HDAC9: variants seen among roughly 807,000 people sequenced by gnomAD.
The protein encoded by HDAC9 is histone deacetylase 9.
In HDAC9, 41 loss-of-function variants were observed where a neutral mutation model predicts 139.4. That is an observed-to-expected ratio of 0.29 (90% CI 0.23 to 0.38). The LOEUF is 0.38. HDAC9 is among the 10% of genes least tolerant of loss of function. HDAC9 has a pLI of 1.00. For synonymous variants in HDAC9, 517 were observed against 476.2 expected (o/e 1.09, Z -1.12); for missense variants, 1,147 against 1,297.0 (o/e 0.88, Z 1.78).
intron 16 of HDAC9, among the ~76,000 whole-genome samples, chr7:18,785,349 G>T (rs1056880428): frequency 1.3e-5 from 2 of 151,618 alleles, no homozygotes; most frequent in Admixed American, 6.6e-5. Context: ...ACCATGCATC[G>T]TAGGATGCGT....
chr7:18,787,586 G>T (rs1190115682), intron 16 of HDAC9, among the ~76,000 whole-genome samples: 3 of 152,144 alleles, frequency 2.0e-5, no homozygotes, highest in South Asian at 4.1e-4. Context: ...ATAAAGCAAG[G>T]CTTGGTAAAG....
At chr7:18,518,447 A>G (rs1803926265) in intron 2 of HDAC9, among the ~76,000 whole-genome samples, 1 of 152,174 alleles carries the variant, frequency 6.6e-6, no homozygotes, top group Admixed American at 6.5e-5. Context: ...TCCCTAGCAA[A>G]CGTAAGTGAT....
chr7:18,660,055 C>CA (rs1269542320), intron 11 of HDAC9, among the ~76,000 whole-genome samples: 5 of 152,094 alleles, frequency 3.3e-5, no homozygotes, highest in African/African-American at 1.2e-4. Flanking sequence ...AAACAAATTC[C>CA]AAATACTCAT....
chr7:18,465,691 TA>T (rs1396768383), intron 1 of HDAC9, among the ~76,000 whole-genome samples: 1 of 152,168 alleles, frequency 6.6e-6, no homozygotes, highest in South Asian at 2.1e-4. Flanking sequence ...TTTTTGAGAC[TA>T]AAGTCTGTAT....
At chr7:18,420,651 A>G (rs1789534531) in intron 1 of HDAC9, among the ~76,000 whole-genome samples, 1 of 152,208 alleles carries the variant, frequency 6.6e-6, no homozygotes, top group African/African-American at 2.4e-5. Flanking sequence ...TTTCTGGCAG[A>G]CATTCTTGTG....
chr7:18,591,475 ATGTG>A (rs36100341), intron 4 of HDAC9, 37 bp from the exon 5 acceptor site: 142,465 of 1,392,962 alleles, frequency 0.1, 97 homozygotes, highest in East Asian at 0.21. Context: ...CTGTGTGTGT[ATGTG>A]TGTGTGTGTG....
At position 18,994,128 on chromosome 7, in the gene HDAC9, C is replaced by T. The variant is rs151191468; in HGVS notation, c.3171-1895C>T. Among the ~76,000 whole-genome samples the T allele has an allele frequency of 4.8e-3, 734 of 152,242 alleles. 8 individuals carry two copies. Among genetic ancestry groups the T allele is most frequent in the African/African-American group, 0.017 (705 of 41,552 alleles). On this transcript the variant is annotated intron_variant, in intron 25 of 25. Transcript: ENST00000686413. Reference sequence around the variant, plus strand: ...CCTCCACCACAGAGACATGTGGATTCCTTACATCTGTGACCTCTGAGACAT... The same window carrying T: ...CCTCCACCACAGAGACATGTGGATTTCTTACATCTGTGACCTCTGAGACAT...
At chr7:18,514,177 G>A (rs536476378) in intron 2 of HDAC9, among the ~76,000 whole-genome samples, 40 of 152,244 alleles carry the variant, frequency 2.6e-4, no homozygotes, top group African/African-American at 9.1e-4. Context: ...CATATACAAT[G>A]TATGTATTAC....
At chr7:18,591,995 T>G (rs919375639) in intron 5 of HDAC9, among the ~76,000 whole-genome samples, 28 of 152,128 alleles carry the variant, frequency 1.8e-4, no homozygotes, top group Non-Finnish European at 3.7e-4. Flanking sequence ...TATTTTGCAT[T>G]TTTCCATTCT....
chr7:18,845,910 G>A (rs1021756394), intron 21 of HDAC9, among the ~76,000 whole-genome samples: 6 of 152,134 alleles, frequency 3.9e-5, no homozygotes, highest in Non-Finnish European at 7.3e-5. Context: ...TTTGCTTGGA[G>A]TCACGTGCAC....
intron 1 of HDAC9, among the ~76,000 whole-genome samples, chr7:18,103,704 G>A (rs1584057558): frequency 3.3e-5 from 5 of 152,252 alleles, no homozygotes; most frequent in Admixed American, 3.3e-4. Context: ...GACGTACAAG[G>A]AAACCACTGT....
At chr7:18,533,297 C>A (rs1809677883) in intron 2 of HDAC9, among the ~76,000 whole-genome samples, 1 of 152,128 alleles carries the variant, frequency 6.6e-6, no homozygotes, top group Admixed American at 6.5e-5. Context: ...TTGCTTTAGG[C>A]TCCCCACTCA....
At chr7:18,283,788 G>A (rs535302815) in intron 2 of HDAC9, among the ~76,000 whole-genome samples, 3 of 152,224 alleles carry the variant, frequency 2.0e-5, no homozygotes, top group East Asian at 3.9e-4. Flanking sequence ...GAAACATTCA[G>A]CTGCAGAATT....
intron 2 of HDAC9, among the ~76,000 whole-genome samples, chr7:18,552,501 A>C (rs2128668216): frequency 6.6e-6 from 1 of 152,274 alleles, no homozygotes; most frequent in African/African-American, 2.4e-5. Flanking sequence ...GAATAAACAC[A>C]AGCTTCCCTT....
In HDAC9 at chr7:18,960,396, A is replaced by T. The variant is rs148575696; in HGVS notation, c.3022+6166A>T. On this transcript the variant is annotated intron_variant, in intron 24 of 25. Coordinates refer to ENST00000686413, the MANE Select transcript of HDAC9 (RefSeq NM_178425.4). ...CCTCCTCTTCCTCTATGTTATTGTTATTCTTTACTCTTATTCGTCCTCCTC... is the reference window on the plus strand; with the variant it reads ...CCTCCTCTTCCTCTATGTTATTGTTTTTCTTTACTCTTATTCGTCCTCCTC... Among the ~76,000 whole-genome samples, 870 of 152,124 alleles carry T rather than the reference A, an allele frequency of 5.7e-3. 10 individuals carry two copies. The highest frequency in any genetic ancestry group is 0.02 in the African/African-American group (838 of 41,524).
At chr7:18,656,964 T>C (rs1584679109) in intron 11 of HDAC9, among the ~76,000 whole-genome samples, 2 of 152,264 alleles carry the variant, frequency 1.3e-5, no homozygotes, top group South Asian at 4.1e-4. Context: ...GGTCCATCTT[T>C]TGGATAAAAG....
intron 16 of HDAC9, among the ~76,000 whole-genome samples, chr7:18,787,660 C>G (rs1274092314): frequency 6.6e-6 from 1 of 152,146 alleles, no homozygotes; most frequent in Admixed American, 6.5e-5. Context: ...ACAGTTAAAC[C>G]TCACTAGCCT....
At chr7:18,496,168 C>A in intron 1 of HDAC9, 94 bp from the exon 2 acceptor site, 1 of 1,452,786 alleles carries the variant, frequency 6.9e-7, no homozygotes, top group Non-Finnish European at 9.5e-7. Context: ...GGGGCCGGTG[C>A]ACTGAGCAGT....
chr7:18,680,029 A>G (rs955203872), intron 12 of HDAC9, among the ~76,000 whole-genome samples: 1 of 152,006 alleles, frequency 6.6e-6, no homozygotes, highest in African/African-American at 2.4e-5. Context: ...ACTATGGCAT[A>G]GTTCATGTTC....
Sources: allele counts gnomAD v4.1 joint callset (sites outside exome capture counted in the v4.1 genomes callset), GRCh38; gene constraint gnomAD v4.1.1; transcripts MANE v1.5; gene names NCBI Gene and HGNC (gene_info 2026-07-23, HGNC 2026-07-21).